The following CD101 variants were observed in gnomAD, a reference collection of about 807,000 sequenced individuals.
The protein encoded by CD101 is immunoglobulin superfamily member 2.
Under a neutral mutation model 98.2 loss-of-function variants are expected in CD101, and 76 were observed. The observed-to-expected ratio is 0.77, with a 90% confidence interval of 0.64 to 0.94. The LOEUF (loss-of-function observed/expected upper bound fraction) is 0.94. CD101 is among the 40% of genes least tolerant of loss of function. The pLI is 0.00. For synonymous variants in CD101, 471 were observed against 472.7 expected (o/e 1.00, Z 0.05); for missense variants, 1,145 against 1,218.8 (o/e 0.94, Z 0.90).
chr1:117,031,937 C>A (rs939353379), intron 8 of CD101, among the ~76,000 whole-genome samples: 1 of 152,136 alleles, frequency 6.6e-6, no homozygotes, highest in African/African-American at 2.4e-5. Context: ...CTCCATGGCT[C>A]CATTCACTTG....
chr1:117,020,430 G>C (rs543853894), intron 6 of CD101, among the ~76,000 whole-genome samples: 1 of 152,260 alleles, frequency 6.6e-6, no homozygotes, highest in African/African-American at 2.4e-5. Flanking sequence ...TGTAGTCCCA[G>C]CTACTCAGGA....
chr1:117,015,021 A>G (rs1298185698), intron 4 of CD101, among the ~76,000 whole-genome samples: 1 of 152,224 alleles, frequency 6.6e-6, no homozygotes, highest in Non-Finnish European at 1.5e-5. Flanking sequence ...GTATGTGGGA[A>G]TTTCACCTGA....
chr1:117,007,665 T>TA (rs1652618099), intron 1 of CD101, among the ~76,000 whole-genome samples: 1 of 152,210 alleles, frequency 6.6e-6, no homozygotes, highest in Non-Finnish European at 1.5e-5. Flanking sequence ...GCCTTTTTGC[T>TA]AATGATTTCA....
Position 117,010,048 on chromosome 1 carries a change from C to T in CD101, c.242C>T (p.Ser81Phe), listed in dbSNP as rs1226241592. 1 of 1,614,118 alleles carries T rather than the reference C, an allele frequency of 6.2e-7. No homozygotes were observed. Among genetic ancestry groups the T allele is most frequent in the East Asian group, 2.2e-5 (1 of 44,898 alleles). Residue 81 changes from serine to phenylalanine, a missense_variant, in exon 2 of 10, where the codon TCT (serine) becomes TTT (phenylalanine). Physicochemically the swap from Ser to Phe is radical, Grantham distance 155 (BLOSUM62 -2). Coordinates refer to ENST00000682167, the MANE Select transcript of CD101 (RefSeq NM_001256106.3). This position sits in a 1 kb window ranked among gnomAD's most constrained non-coding sequence, Gnocchi z 5.2. ...QIISTKDAAF[S>F]YAVYTQRVRS... ...ATTAGCACCAAGGATGCTGCCTTCT[C>T]TTACGCAGTATATACGCAGCGGGTG...
chr1:117,030,471 A>G (rs1654387526), intron 8 of CD101, among the ~76,000 whole-genome samples: 1 of 149,150 alleles, frequency 6.7e-6, no homozygotes, highest in Non-Finnish European at 1.5e-5. Flanking sequence ...AGAAAAAAAG[A>G]GAGAGAGAAA....
At chr1:117,024,632 G>A (rs1323119860) in intron 7 of CD101, among the ~76,000 whole-genome samples, 1 of 152,084 alleles carries the variant, frequency 6.6e-6, no homozygotes, top group African/African-American at 2.4e-5. Flanking sequence ...TTAGCAAGGG[G>A]AAAAAAAGTA....
chr1:117,021,738 T>C lies in CD101; in HGVS notation c.2183T>C (p.Leu728Pro). The C allele has an allele frequency of 6.2e-7, 1 of 1,614,162 alleles. No homozygotes were observed. Among genetic ancestry groups the C allele is most frequent in the South Asian group, 1.1e-5 (1 of 91,070 alleles). Residue 728 changes from leucine (L) to proline (P), a missense_variant, in exon 7 of 10, where the codon CTG becomes CCG. Physicochemically the swap from Leu to Pro is moderately conservative, Grantham distance 98. Coordinates refer to ENST00000682167, the MANE Select transcript of CD101 (RefSeq NM_001256106.3). This position sits in a 1 kb window ranked among gnomAD's most constrained non-coding sequence, Gnocchi z 4.7. ...ACTAATGCCTCTTGGCTAAAGATCC[T>C]GGAGATGGACCAAACCAATGTTATA... Reference protein sequence around the residue: ...VSTNASWLKILEMDQTNVIKT... With the variant: ...VSTNASWLKIPEMDQTNVIKT...
chr1:117,003,533 A>G (rs1652366685), intron 1 of CD101, among the ~76,000 whole-genome samples: 1 of 152,170 alleles, frequency 6.6e-6, no homozygotes, highest in African/African-American at 2.4e-5. Flanking sequence ...AAGTTGTCTG[A>G]GTGTGATTCT....
chr1:117,027,942 G>A (rs912126685), intron 8 of CD101, among the ~76,000 whole-genome samples: 12 of 152,140 alleles, frequency 7.9e-5, no homozygotes, highest in African/African-American at 2.4e-4. Context: ...AAAATTAGCC[G>A]GGCATGGTGG....
chr1:117,017,614 T>G (rs1653319635), intron 5 of CD101, 141 bp downstream of exon 5: 3 of 768,742 alleles, frequency 3.9e-6, no homozygotes, highest in Non-Finnish European at 2.1e-6. Context: ...GGCTACCCTC[T>G]CTGTCAATTA....
In CD101 at chr1:117,005,140, G is replaced by A. The variant is rs759782030; in HGVS notation, c.43+3280G>A. 2.0e-5 allele frequency among the ~76,000 whole-genome samples: 3 copies of A among 152,064 alleles called. No homozygotes were observed. The highest frequency in any genetic ancestry group is 4.4e-5 in the Non-Finnish European group (3 of 68,012). ...ATCACCTTGGAAATTAGGTTTCTGCGTGTGAGTTTTAGGAAGACACAGACG... is the reference window on the plus strand; with the variant it reads ...ATCACCTTGGAAATTAGGTTTCTGCATGTGAGTTTTAGGAAGACACAGACG... On this transcript the variant is annotated intron_variant, in intron 1 of 9. Transcript: ENST00000682167. The surrounding 1 kb of genome is among the most constrained non-coding windows in gnomAD (Gnocchi z 4.4).
chr1:117,018,298 C>T lies in CD101; in HGVS notation c.1755C>T (p.Ser585=). The change falls in exon 6 of 10, where the codon AGC becomes AGT. Residue 585 remains serine, a synonymous_variant. Transcript: ENST00000682167. This position sits in a 1 kb window ranked among gnomAD's most constrained non-coding sequence, Gnocchi z 4.3. The part of the protein sequence containing the change: ...LTVTWQFQPA[S]SHIFHQLIRI... ...TGACGTGGCAGTTCCAGCCAGCTAG[C>T]TCTCACATCTTCCACCAGCTTATTC... The T allele has an allele frequency of 6.2e-7, 1 of 1,614,152 alleles. No individual in the cohort carries two copies. The highest frequency in any genetic ancestry group is 8.5e-7 in the Non-Finnish European group (1 of 1,180,022).
rs1306652713 is a variant in CD101, at chr1:117,004,832, GT to G, written c.43+2975del. Among the ~76,000 whole-genome samples, 3 of 139,380 alleles carry G rather than the reference GT, an allele frequency of 2.2e-5. No individual in the cohort carries two copies. The highest frequency in any genetic ancestry group is 2.5e-4 in the South Asian group (1 of 4,066). The allele number at this position is 139,380 out of a possible 152,430, so 91.4% of individuals were successfully genotyped here. Reference sequence around the variant, plus strand: ...CTCAGAAAGTAGTATGTCTTAGACTGTTTGGCGTGTTGTAGCAAAAGTACCA... The same window carrying G: ...CTCAGAAAGTAGTATGTCTTAGACTGTTGGCGTGTTGTAGCAAAAGTACCA... On this transcript the variant is annotated intron_variant, in intron 1 of 9. Coordinates refer to ENST00000682167, the MANE Select transcript of CD101 (RefSeq NM_001256106.3). The surrounding 1 kb of genome is among the most constrained non-coding windows in gnomAD (Gnocchi z 4.1).
chr1:117,016,484 A>T (rs907153483), intron 4 of CD101, among the ~76,000 whole-genome samples: 4 of 152,176 alleles, frequency 2.6e-5, no homozygotes, highest in Admixed American at 2.0e-4. Flanking sequence ...ATACTAAAAC[A>T]TTACCAGATG....
chr1:117,020,887 C>CA (rs2101136288), intron 6 of CD101, among the ~76,000 whole-genome samples: 1 of 152,296 alleles, frequency 6.6e-6, no homozygotes, highest in Admixed American at 6.5e-5. Flanking sequence ...GTGATGTCAG[C>CA]AAGATGCTAG....
chr1:117,007,909 A>G (rs1237881841), intron 1 of CD101, among the ~76,000 whole-genome samples: 1 of 152,202 alleles, frequency 6.6e-6, no homozygotes, highest in African/African-American at 2.4e-5. Context: ...GTTGATGGAC[A>G]TATGGGTTGT....
intron 6 of CD101, among the ~76,000 whole-genome samples, chr1:117,020,093 A>T (rs567022087): frequency 6.6e-6 from 1 of 152,000 alleles, no homozygotes; most frequent in Admixed American, 6.6e-5. Context: ...CCTCTTCTCC[A>T]TCGGAATAAT....
At chr1:117,015,951 A>G (rs1415442580) in intron 4 of CD101, among the ~76,000 whole-genome samples, 4 of 152,200 alleles carry the variant, frequency 2.6e-5, no homozygotes, top group African/African-American at 4.8e-5. Context: ...CTCCTGCTGT[A>G]TCTCTACATT....
Position 117,022,033 on chromosome 1 carries a change from T to C in CD101, c.2428+50T>C, listed in dbSNP as rs751810225. 6.5e-7 allele frequency: 1 copy of C among 1,544,438 alleles called. No homozygotes were observed. Among genetic ancestry groups the C allele is most frequent in the Non-Finnish European group, 8.7e-7 (1 of 1,147,444 alleles). The stretch of plus-strand genomic sequence containing the variant: ...CAATGTCTGTCTGTCTGACGGCTGT[T>C]TTCTCTTGGGCAGCTGTTCTATGGA... On this transcript the variant is annotated intron_variant, in intron 7 of 9. Coordinates refer to ENST00000682167, the MANE Select transcript of CD101 (RefSeq NM_001256106.3). This position sits in a 1 kb window ranked among gnomAD's most constrained non-coding sequence, Gnocchi z 4.8.
Sources: allele counts gnomAD v4.1 joint callset (sites outside exome capture counted in the v4.1 genomes callset), GRCh38; gene constraint gnomAD v4.1.1; non-coding constraint Gnocchi (gnomAD v3.1); transcripts MANE v1.5; gene names NCBI Gene and HGNC (gene_info 2026-07-23, HGNC 2026-07-21).